The following SOX5 variants were observed in gnomAD, a reference collection of about 807,000 sequenced individuals.
SOX5 encodes the protein transcription factor SOX-5.
SOX5 carries 9 observed loss-of-function variants against 92.0 expected under a neutral mutation model. The observed-to-expected ratio is 0.10, with a 90% CI of 0.06 to 0.17. SOX5 has a LOEUF of 0.17. SOX5 is among the 10% of genes least tolerant of loss of function. The pLI, the probability that SOX5 is intolerant of heterozygous loss-of-function variation, is 1.00. For missense variants in SOX5, 642 were observed against 944.5 expected (o/e 0.68, Z 4.20); for synonymous variants, 344 against 336.3 (o/e 1.02, Z -0.25).
At chr12:24,450,701 G>T (rs1484657957) in intron 1 of SOX5, among the ~76,000 whole-genome samples, 1 of 152,064 alleles carries the variant, frequency 6.6e-6, no homozygotes, top group Non-Finnish European at 1.5e-5. Flanking sequence ...ATATTGGCCA[G>T]GCTGGTCTTA....
intron 4 of SOX5, among the ~76,000 whole-genome samples, chr12:24,060,158 A>C (rs1939387848): frequency 6.6e-6 from 1 of 152,232 alleles, no homozygotes; most frequent in South Asian, 2.1e-4. Context: ...GCATTTATTG[A>C]GCATCTATTG....
At chr12:23,862,689 T>C (rs557415922) in intron 2 of SOX5, among the ~76,000 whole-genome samples, 1 of 152,316 alleles carries the variant, frequency 6.6e-6, no homozygotes, top group African/African-American at 2.4e-5. Flanking sequence ...CCTTATTCTT[T>C]CAATCTGACA....
intron 2 of SOX5, among the ~76,000 whole-genome samples, chr12:24,323,722 C>G (rs976611857): frequency 1.3e-5 from 2 of 152,000 alleles, no homozygotes; most frequent in African/African-American, 2.4e-5. Flanking sequence ...AAAAAGGCCA[C>G]AAGCCCAGAT....
At chr12:24,254,011 G>T (rs1384390219) in intron 3 of SOX5, among the ~76,000 whole-genome samples, 1 of 152,030 alleles carries the variant, frequency 6.6e-6, no homozygotes, top group African/African-American at 2.4e-5. Context: ...TTAGTGTAAG[G>T]GCTTAGAACA....
chr12:24,296,762 T>A (rs1947294191), intron 2 of SOX5, among the ~76,000 whole-genome samples: 1 of 150,798 alleles, frequency 6.6e-6, no homozygotes, highest in Admixed American at 6.6e-5. Context: ...AACTAAGGCA[T>A]TATCACTTCA....
At chr12:24,235,492 CTACAT>C (rs1166507627) in intron 3 of SOX5, among the ~76,000 whole-genome samples, 2 of 152,082 alleles carry the variant, frequency 1.3e-5, no homozygotes, top group Non-Finnish European at 2.9e-5. Context: ...AATAGAAACC[CTACAT>C]TAATTTGTAC....
chr12:23,822,996 A>C (rs1242719717), intron 3 of SOX5, among the ~76,000 whole-genome samples: 1 of 151,938 alleles, frequency 6.6e-6, no homozygotes, highest in Non-Finnish European at 1.5e-5. Flanking sequence ...CATTATTCTG[A>C]GCCTATGTGT....
At chr12:23,765,786 G>A (rs1360368162) in intron 3 of SOX5, among the ~76,000 whole-genome samples, 1 of 152,030 alleles carries the variant, frequency 6.6e-6, no homozygotes, top group Admixed American at 6.6e-5. Context: ...ACACAAACAT[G>A]CATGCTCACA....
At chr12:24,332,340 C>T (rs1410652075) in intron 2 of SOX5, among the ~76,000 whole-genome samples, 1 of 152,070 alleles carries the variant, frequency 6.6e-6, no homozygotes, top group Non-Finnish European at 1.5e-5. Flanking sequence ...AATTATTTTG[C>T]ATTTTGAATG....
chr12:24,319,748 G>A (rs113597423), intron 2 of SOX5, among the ~76,000 whole-genome samples: 1,870 of 152,180 alleles, frequency 0.012, 36 homozygotes, highest in African/African-American at 0.043. Context: ...TTTTCATTAT[G>A]GAGAAGCTAG....
At chr12:24,327,881 T>C (rs1291382122) in intron 2 of SOX5, among the ~76,000 whole-genome samples, 1 of 151,986 alleles carries the variant, frequency 6.6e-6, no homozygotes, top group Admixed American at 6.5e-5. Flanking sequence ...TTGGTAGAGC[T>C]GGGTTTCACC....
At chr12:23,999,439 G>A (rs993719245) in intron 4 of SOX5, among the ~76,000 whole-genome samples, 1 of 152,170 alleles carries the variant, frequency 6.6e-6, no homozygotes, top group Non-Finnish European at 1.5e-5. Flanking sequence ...ATTTTCCTAA[G>A]AGAGTGGATA....
chr12:24,168,767 G>A (rs1028751678), intron 4 of SOX5, among the ~76,000 whole-genome samples: 1 of 152,156 alleles, frequency 6.6e-6, no homozygotes, highest in African/African-American at 2.4e-5. Context: ...TAAACCAAAC[G>A]CCCACGGTGG....
At chr12:23,723,566 T>TTTTATATA (rs113098475) in intron 6 of SOX5, among the ~76,000 whole-genome samples, 1 of 144,678 alleles carries the variant, frequency 6.9e-6, no homozygotes, top group Non-Finnish European at 1.5e-5. Flanking sequence ...AGGAGAAAAA[T>TTTTATATA]TATATATATA....
chr12:24,016,482 C>T (rs138861200), intron 4 of SOX5, among the ~76,000 whole-genome samples: 167 of 152,194 alleles, frequency 1.1e-3, no homozygotes, highest in Non-Finnish European at 2.1e-3. Flanking sequence ...AAAGCATTAA[C>T]CCCTTGGTCA....
intron 4 of SOX5, among the ~76,000 whole-genome samples, chr12:24,049,636 T>A (rs1312999921): frequency 8.7e-6 from 1 of 115,430 alleles, no homozygotes; most frequent in African/African-American, 3.1e-5. Context: ...CAATCCTTCA[T>A]AGTTTTTTTT....
At chr12:23,739,961 T>TG (rs1452641601) in intron 5 of SOX5, among the ~76,000 whole-genome samples, 1 of 152,246 alleles carries the variant, frequency 6.6e-6, no homozygotes, top group East Asian at 1.9e-4. Context: ...TTAAGGGCTT[T>TG]GTCTCTCTGG....
intron 8 of SOX5, among the ~76,000 whole-genome samples, chr12:23,608,132 A>G (rs2137641369): frequency 6.7e-6 from 1 of 149,898 alleles, no homozygotes; most frequent in East Asian, 2.0e-4. Context: ...AAAAAAAAAA[A>G]AAAAAAAAAG....
At chr12:23,883,525 T>G (rs1231057058) in intron 2 of SOX5, among the ~76,000 whole-genome samples, 1 of 152,210 alleles carries the variant, frequency 6.6e-6, no homozygotes. Flanking sequence ...CAAAGCCATT[T>G]CTGAAAATTC....
Sources: allele counts gnomAD v4.1 joint callset (sites outside exome capture counted in the v4.1 genomes callset), GRCh38; gene constraint gnomAD v4.1.1; transcripts MANE v1.5; gene names NCBI Gene and HGNC (gene_info 2026-07-23, HGNC 2026-07-21).